The following FHL1 variants were observed in gnomAD, a reference collection of about 807,000 sequenced individuals.
FHL1 encodes four and a half LIM domains protein 1.
FHL1 carries 1 observed loss-of-function variant against 20.3 expected under a neutral mutation model. The ratio of observed to expected loss-of-function variants is 0.05; its 90% CI spans 0.02 to 0.23. The LOEUF (loss-of-function observed/expected upper bound fraction) is 0.23. FHL1 is among the 10% of genes least tolerant of loss of function. The pLI, the probability that FHL1 is intolerant of heterozygous loss-of-function variation, is 1.00. For synonymous variants in FHL1, 82 were observed against 88.9 expected (o/e 0.92, Z 0.44); for missense variants, 177 against 234.0 (o/e 0.76, Z 1.59).
At chrX:136,196,273 C>T (rs1332686383), upstream of FHL1, among the ~76,000 whole-genome samples, 5 of 112,025 alleles carry the variant, frequency 4.5e-5, no homozygotes, top group African/African-American at 1.6e-4. Context: ...CTTTCTTTTC[C>T]TAGAACATGC....
At chrX:136,208,027 C>T in intron 4 of FHL1, 66 bp downstream of exon 4, 15 of 1,094,625 alleles carry the variant, frequency 1.4e-5, no homozygotes, top group Non-Finnish European at 1.8e-5. Context: ...TTGCAGAGCA[C>T]TTCCACACAC....
intron 1 of FHL1, chrX:136,148,392 G>C (rs1163197466): frequency 3.1e-5 from 3 of 95,294 alleles, no homozygotes; most frequent in Non-Finnish European, 6.3e-5. Flanking sequence ...GGGATGGCGC[G>C]GGTTTGGCGA....
intron 1 of FHL1, among the ~76,000 whole-genome samples, chrX:136,152,770 G>A (rs911080563): frequency 3.7e-5 from 4 of 108,338 alleles, no homozygotes; most frequent in Admixed American, 9.9e-5. Context: ...CGTAGTAGAC[G>A]TTGGATTATA....
At chrX:136,186,863 A>T (rs868567813) in intron 2 of FHL1, among the ~76,000 whole-genome samples, 2 of 9,295 alleles carry the variant, frequency 2.2e-4, no homozygotes, top group African/African-American at 2.8e-4. Flanking sequence ...CAAAAAAAAA[A>T]AAATATATAT....
intron 1 of FHL1, among the ~76,000 whole-genome samples, chrX:136,197,569 A>G (rs1223868613): frequency 3.6e-5 from 4 of 112,565 alleles, no homozygotes; most frequent in Non-Finnish European, 5.6e-5. Context: ...TGTAACTAAG[A>G]AAGTCCATAA....
upstream of FHL1, among the ~76,000 whole-genome samples, chrX:136,165,736 A>C (rs752256940): frequency 1.1e-3 from 124 of 112,111 alleles, 1 homozygote; most frequent in Non-Finnish European, 2.1e-3. Context: ...TAATTCACAC[A>C]ATTGATTGGT....
chrX:136,177,436 C>G (rs1235977037), intron 2 of FHL1, among the ~76,000 whole-genome samples: 1 of 111,940 alleles, frequency 8.9e-6, no homozygotes, highest in Non-Finnish European at 1.9e-5. Context: ...GTCAAACCAT[C>G]TTGGACTTCA....
At chrX:136,190,726 A>T (rs747744197) in intron 2 of FHL1, among the ~76,000 whole-genome samples, 5 of 111,776 alleles carry the variant, frequency 4.5e-5, no homozygotes, top group African/African-American at 1.6e-4. Context: ...AGCATTCCTA[A>T]GGTTTACATT....
chrX:136,195,792 A>G (rs927505933), upstream of FHL1, among the ~76,000 whole-genome samples: 12 of 111,650 alleles, frequency 1.1e-4, no homozygotes, highest in African/African-American at 3.9e-4. Flanking sequence ...TCAACCTGGT[A>G]GGGGAGATGT....
upstream of FHL1, chrX:136,196,943 T>C (rs904593734): frequency 9.3e-7 from 1 of 1,076,829 alleles, no homozygotes; most frequent in Admixed American, 2.5e-5. Context: ...AAGAATTTTC[T>C]AGTGGGATTA....
chrX:136,201,916 A>G (rs2033442066), intron 1 of FHL1, among the ~76,000 whole-genome samples: 1 of 112,618 alleles, frequency 8.9e-6, no homozygotes, highest in Non-Finnish European at 1.9e-5. Flanking sequence ...GATAACAGCA[A>G]TAGGTCAAGG....
intron 2 of FHL1, among the ~76,000 whole-genome samples, chrX:136,183,946 T>G (rs1226178906): frequency 8.9e-6 from 1 of 111,947 alleles, no homozygotes; most frequent in Non-Finnish European, 1.9e-5. Flanking sequence ...TGGTTTATAT[T>G]TGGTAGCATT....
In FHL1 at chrX:136,208,631, C is replaced by T. The variant is rs781537817; in HGVS notation, c.726C>T (p.Asn242=). ...CCAAGAAGTGTGCTGGATGCAAGAA[C>T]CCCATCACTGGTAGGCTAAAGAGTC... The part of the protein sequence containing the change: ...FVAKKCAGCK[N]PITGFGKGSS... The change falls in exon 5 of 6, where the codon AAC becomes AAT. Residue 242 remains asparagine, a synonymous_variant. Coordinates refer to ENST00000370683, the MANE Select transcript of FHL1 (RefSeq NM_001159699.2). 1 of 1,209,730 alleles carries T rather than the reference C, an allele frequency of 8.3e-7. No homozygotes were observed. The highest frequency in any genetic ancestry group is 1.1e-6 in the Non-Finnish European group (1 of 894,045).
chrX:136,204,664 A>AG (rs1390408395), intron 1 of FHL1: 1 of 112,110 alleles, frequency 8.9e-6, no homozygotes, highest in Non-Finnish European at 1.9e-5. Flanking sequence ...CTTAGAGATG[A>AG]GGGGGGTCTG....
intron 1 of FHL1, among the ~76,000 whole-genome samples, chrX:136,150,749 G>C (rs1200353232): frequency 8.9e-6 from 1 of 112,234 alleles, no homozygotes; most frequent in African/African-American, 3.2e-5. Flanking sequence ...ATAAGAAATG[G>C]CTTCCACCTT....
intron 2 of FHL1, among the ~76,000 whole-genome samples, chrX:136,187,284 C>T (rs889770675): frequency 2.7e-5 from 3 of 110,858 alleles, no homozygotes; most frequent in African/African-American, 9.9e-5. Flanking sequence ...GGGAAGAATA[C>T]TTTTCACTAT....
chrX:136,150,314 C>A (rs1475709230), intron 1 of FHL1, among the ~76,000 whole-genome samples: 2 of 111,914 alleles, frequency 1.8e-5, no homozygotes, highest in African/African-American at 6.5e-5. Flanking sequence ...TGTGACTGAA[C>A]CCTGTTTTCC....
chrX:136,168,279 T>G (rs766143829), upstream of FHL1: 2 of 112,273 alleles, frequency 1.8e-5, no homozygotes, highest in South Asian at 7.4e-4. Flanking sequence ...TGTGGAATCT[T>G]CTAGAAGCAG....
At chrX:136,172,445 A>G (rs1439721387) in intron 2 of FHL1, among the ~76,000 whole-genome samples, 1 of 112,166 alleles carries the variant, frequency 8.9e-6, no homozygotes, top group Admixed American at 9.4e-5. Context: ...TCTCAATTAC[A>G]TTGCCCAGTA....
Sources: gnomAD v4.1 joint callset for allele counts (sites outside exome capture counted in the v4.1 genomes callset) on GRCh38, gnomAD v4.1.1 for gene constraint, MANE v1.5 for transcripts, NCBI Gene and HGNC (gene_info 2026-07-23, HGNC 2026-07-21) for gene names.